The following PGM3 variants were observed in gnomAD, a reference collection of about 807,000 sequenced individuals.
The protein encoded by PGM3 is phosphoacetylglucosamine mutase.
A neutral mutation model predicts 66.2 loss-of-function variants in PGM3; 40 were observed. The observed-to-expected ratio is 0.60, with a 90% CI of 0.47 to 0.79. The LOEUF is 0.79. Ranked by LOEUF, PGM3 falls within the 30% of genes least tolerant of loss-of-function variation. The pLI is 0.00. For synonymous variants in PGM3, 191 were observed against 224.2 expected (o/e 0.85, Z 1.32); for missense variants, 537 against 643.4 (o/e 0.83, Z 1.79).
chr6:83,174,031 T>C (rs1007401705), intron 10 of PGM3, among the ~76,000 whole-genome samples: 5 of 152,106 alleles, frequency 3.3e-5, no homozygotes, highest in Non-Finnish European at 5.9e-5. Context: ...CCACCGTGCC[T>C]GGCCTGACAA....
the PGM3 span, chr6:83,153,382 C>T: frequency 1.9e-6 from 1 of 523,536 alleles, no homozygotes; most frequent in Non-Finnish European, 3.2e-6. Flanking sequence ...AAAAATGATT[C>T]AGGAAGATTT....
chr6:83,167,871 G>A lies in PGM3; in HGVS notation c.*1363C>T, dbSNP rs145013954. 5 of 1,605,928 alleles carry A rather than the reference G, an allele frequency of 3.1e-6. No individual in the cohort carries two copies. Among genetic ancestry groups the A allele is most frequent in the Non-Finnish European group, 2.6e-6 (3 of 1,175,068 alleles). On this transcript the variant is annotated 3_prime_UTR_variant, in exon 13 of 13. Coordinates refer to ENST00000513973, the MANE Select transcript of PGM3 (RefSeq NM_015599.3). ...TTTTTGTTTTCTGCAGAAAAATCCA[G>A]AGGAAGACAACTCAGGGAGAACATT...
At chr6:83,182,284 T>C (rs1368209039) in intron 5 of PGM3, among the ~76,000 whole-genome samples, 1 of 152,210 alleles carries the variant, frequency 6.6e-6, no homozygotes, top group Non-Finnish European at 1.5e-5. Context: ...TGACATGTCA[T>C]TCTTTTTATA....
Position 83,168,704 on chromosome 6 carries a change from A to G in PGM3, c.*530T>C. 1.0e-6 allele frequency: 1 copy of G among 996,002 alleles called. No individual in the cohort carries two copies. Among genetic ancestry groups the G allele is most frequent in the Non-Finnish European group, 1.2e-6 (1 of 836,054 alleles). The allele number at this position is 996,002 out of a possible 1,614,324, so 61.7% of individuals were successfully genotyped here. A position where few individuals can be genotyped will look rare whatever the true frequency, so the allele number is the denominator to read the frequency against. Reference sequence around the variant, plus strand: ...ATCTCCACCTCAGTATGGAAGAGGGATGGACAACCCCCTATTCATACCTCT... The same window carrying G: ...ATCTCCACCTCAGTATGGAAGAGGGGTGGACAACCCCCTATTCATACCTCT... On this transcript the variant is annotated 3_prime_UTR_variant, in exon 13 of 13. Transcript: ENST00000513973.
At position 83,166,487 on chromosome 6, in the gene PGM3, C is replaced by T. The variant is rs1425311540; in HGVS notation, c.*2747G>A. 7.2e-6 allele frequency: 5 copies of T among 696,884 alleles called. No individual in the cohort carries two copies. The highest frequency in any genetic ancestry group is 3.0e-5 in the South Asian group (2 of 65,612). The allele number at this position is 696,884 out of a possible 1,614,324, so 43.2% of individuals were successfully genotyped here. A position where few individuals can be genotyped will look rare whatever the true frequency, so the allele number is the denominator to read the frequency against. The stretch of plus-strand genomic sequence containing the variant: ...ATAACCTATTTTGAACTCAGAAAAT[C>T]GCTAAATTTGATTTTTGTCTAACAT... On this transcript the variant is annotated 3_prime_UTR_variant, in exon 13 of 13. Coordinates refer to ENST00000513973, the MANE Select transcript of PGM3 (RefSeq NM_015599.3).
At chr6:83,153,154 G>GT in the PGM3 span, among the ~76,000 whole-genome samples, 29 of 151,120 alleles carry the variant, frequency 1.9e-4, no homozygotes, top group South Asian at 5.2e-3. Context: ...TCAATTGTTT[G>GT]TTTTTTTTTC....
At chr6:83,181,026 A>AGG (rs1024203880) in intron 6 of PGM3, among the ~76,000 whole-genome samples, 2 of 152,238 alleles carry the variant, frequency 1.3e-5, no homozygotes, top group Admixed American at 1.3e-4. Context: ...AGTGGCACAC[A>AGG]GACAAACACA....
the PGM3 span, chr6:83,153,665 G>C: frequency 1.4e-6 from 2 of 1,451,300 alleles, no homozygotes; most frequent in Non-Finnish European, 1.9e-6. Context: ...TTCATAGCCT[G>C]TTAGAAACAA....
chr6:83,164,565 A>G (rs1427203645), downstream of PGM3: 2 of 1,171,752 alleles, frequency 1.7e-6, no homozygotes, highest in Non-Finnish European at 2.5e-6. Context: ...ATTGAAAGGC[A>G]TCTTCCCATC....
rs763886701 is a variant in PGM3, at chr6:83,190,974, G to A, written c.39C>T (p.His13=). 4.0e-5 allele frequency: 65 copies of A among 1,613,986 alleles called. No homozygotes were observed. The highest frequency in any genetic ancestry group is 6.7e-5 in the East Asian group (3 of 44,884). The change falls in exon 2 of 13, where the codon CAC becomes CAT. Residue 13 remains histidine (H), a synonymous_variant. Coordinates refer to ENST00000513973, the MANE Select transcript of PGM3 (RefSeq NM_015599.3). ...LGAITKYSAL[H]AKPNGLILQY... ...GAAGGATCAGTCCATTGGGCTTGGC[G>A]TGTAATGCTGAGTATTTTGTAATAG...
At chr6:83,156,470 T>C (rs1194177772), downstream of PGM3, among the ~76,000 whole-genome samples, 4 of 152,204 alleles carry the variant, frequency 2.6e-5, no homozygotes, top group Admixed American at 1.3e-4. Context: ...CAGGAAATTG[T>C]GGCTAGAAGT....
downstream of PGM3, among the ~76,000 whole-genome samples, chr6:83,156,616 T>C (rs1200157594): frequency 1.3e-5 from 2 of 152,158 alleles, no homozygotes; most frequent in East Asian, 3.9e-4. Flanking sequence ...TACCACCAAA[T>C]AGCTCCACAA....
chr6:83,187,149 C>A, intron 3 of PGM3, 74 bp from the exon 4 acceptor site: 2 of 877,310 alleles, frequency 2.3e-6, no homozygotes, highest in Admixed American at 2.0e-5. Flanking sequence ...CAAGCAAATG[C>A]AAAAATTACA....
At chr6:83,180,236 C>T (rs1249790362) in intron 6 of PGM3, among the ~76,000 whole-genome samples, 1 of 152,110 alleles carries the variant, frequency 6.6e-6, no homozygotes, top group Non-Finnish European at 1.5e-5. Context: ...TTTGGCTAGA[C>T]AGGTGTCCCA....
chr6:83,170,262 A>T (rs1269192602), intron 12 of PGM3, 43 bp downstream of exon 12: 1 of 1,573,242 alleles, frequency 6.4e-7, no homozygotes, highest in Admixed American at 1.7e-5. Flanking sequence ...CCTGCCCATC[A>T]CCTAATATTA....
downstream of PGM3, chr6:83,162,963 G>A (rs1184587787): frequency 3.2e-6 from 5 of 1,570,834 alleles, no homozygotes; most frequent in South Asian, 4.7e-5. Flanking sequence ...ATCACTACAT[G>A]TTGCATTAGT....
the PGM3 span, among the ~76,000 whole-genome samples, chr6:83,154,444 G>A: frequency 6.6e-6 from 1 of 152,210 alleles, no homozygotes; most frequent in Non-Finnish European, 1.5e-5. Context: ...GACAACTTAA[G>A]TGATAAGTAA....
At chr6:83,171,379 A>G (rs1787083596) in intron 11 of PGM3, 1 of 152,244 alleles carries the variant, frequency 6.6e-6, no homozygotes. Flanking sequence ...TATTTATTAT[A>G]TCATAAAGTT....
In PGM3 at chr6:83,170,574, T is replaced by C. The variant is rs1786883081; in HGVS notation, c.1366-96A>G. On this transcript the variant is annotated intron_variant, in intron 11 of 12. Transcript: ENST00000513973. ...ATTCTACGAAAAGTGCCAGACTAAA[T>C]ATAAAATTACATTAAAACTTCTTTC... 14 of 927,366 alleles carry C rather than the reference T, an allele frequency of 1.5e-5. No homozygotes were observed. The South Asian group carries it at 2.3e-4, about 15-fold the overall frequency. 57.4% of individuals were successfully genotyped at this position (927,366 alleles called of 1,614,324 possible). A position where few individuals can be genotyped will look rare whatever the true frequency, so the allele number is the denominator to read the frequency against.
Sources: gnomAD v4.1 joint callset for allele counts (sites outside exome capture counted in the v4.1 genomes callset) on GRCh38, gnomAD v4.1.1 for gene constraint, MANE v1.5 for transcripts, NCBI Gene and HGNC (gene_info 2026-07-23, HGNC 2026-07-21) for gene names.